PTCHD4: variants seen among roughly 807,000 people sequenced by gnomAD.
PTCHD4 encodes the protein patched domain containing 4.
In PTCHD4, 33 loss-of-function variants were observed where a neutral mutation model predicts 58.1. That is an observed-to-expected ratio of 0.57 (90% CI 0.43 to 0.76). The LOEUF (loss-of-function observed/expected upper bound fraction) is 0.76. Among genes scored for constraint, PTCHD4 ranks in the 30% least tolerant of loss-of-function variants. PTCHD4 has a pLI of 0.00. For synonymous variants in PTCHD4, 478 were observed against 409.6 expected (o/e 1.17, Z -2.02); for missense variants, 1,058 against 1,027.1 (o/e 1.03, Z -0.41).
intron 1 of PTCHD4, among the ~76,000 whole-genome samples, chr6:48,079,769 T>G (rs904849669): frequency 1.3e-5 from 2 of 151,616 alleles, no homozygotes; most frequent in African/African-American, 4.9e-5. Context: ...TGGGGTGGAG[T>G]GCTTCCACCT....
chr6:48,057,438 C>G (rs1447529030), intron 3 of PTCHD4, among the ~76,000 whole-genome samples: 1 of 152,116 alleles, frequency 6.6e-6, no homozygotes, highest in East Asian at 1.9e-4. Flanking sequence ...AGCTAAATGC[C>G]CTATTAGTTC....
At chr6:47,924,016 C>T (rs1765517102) in intron 4 of PTCHD4, among the ~76,000 whole-genome samples, 1 of 152,204 alleles carries the variant, frequency 6.6e-6, no homozygotes, top group Non-Finnish European at 1.5e-5. Context: ...CTCCCCTTGA[C>T]ATTTCCAGTT....
chr6:47,875,461 A>C lies in PTCHD4; in HGVS notation c.*2842T>G, dbSNP rs975156123. On this transcript the variant is annotated 3_prime_UTR_variant, in exon 5 of 5. Transcript: ENST00000339488. The stretch of plus-strand genomic sequence containing the variant: ...CTCTGTTAGATTCTTCTTAGGATTA[A>C]ATTACTTCCTAGGACTGCATTAAGA... Among the ~76,000 whole-genome samples the C allele has an allele frequency of 5.9e-5, 9 of 151,768 alleles. No homozygotes were observed. The highest frequency in any genetic ancestry group is 1.9e-4 in the African/African-American group (8 of 41,390).
chr6:47,961,754 G>A (rs1268152891), intron 4 of PTCHD4, among the ~76,000 whole-genome samples: 2 of 152,102 alleles, frequency 1.3e-5, no homozygotes, highest in East Asian at 1.9e-4. Flanking sequence ...ACCAAAATGT[G>A]TGCCACTAAA....
intron 1 of PTCHD4, among the ~76,000 whole-genome samples, chr6:48,078,856 T>C (rs1189331351): frequency 1.3e-5 from 2 of 152,144 alleles, no homozygotes; most frequent in African/African-American, 2.4e-5. Context: ...CGGTGGCTCA[T>C]GCCTGTAATG....
chr6:48,048,857 G>C (rs548707089), intron 3 of PTCHD4, among the ~76,000 whole-genome samples: 3 of 152,094 alleles, frequency 2.0e-5, no homozygotes, highest in African/African-American at 7.2e-5. Flanking sequence ...ATATTTTAGT[G>C]AGTGTTTCTT....
chr6:48,033,314 C>A (rs1308734188), intron 3 of PTCHD4, among the ~76,000 whole-genome samples: 4 of 151,874 alleles, frequency 2.6e-5, no homozygotes, highest in Non-Finnish European at 5.9e-5. Flanking sequence ...GCCCTCTGGA[C>A]CTCTGAAAAA....
intron 1 of PTCHD4, among the ~76,000 whole-genome samples, chr6:48,093,144 A>G (rs562506343): frequency 6.6e-6 from 1 of 152,312 alleles, no homozygotes; most frequent in South Asian, 2.1e-4. Context: ...AAATTATTTT[A>G]AAAGCATTAA....
intron 3 of PTCHD4, among the ~76,000 whole-genome samples, chr6:48,049,375 T>C (rs1246770400): frequency 6.6e-6 from 1 of 151,926 alleles, no homozygotes; most frequent in Non-Finnish European, 1.5e-5. Context: ...TTGAGGGTCC[T>C]ACATTGGGCT....
At chr6:47,990,647 T>C (rs1421218904) in intron 4 of PTCHD4, among the ~76,000 whole-genome samples, 1 of 152,198 alleles carries the variant, frequency 6.6e-6, no homozygotes, top group Non-Finnish European at 1.5e-5. Flanking sequence ...TCCCCAGCCA[T>C]GTGGAACTGT....
chr6:47,930,196 GCT>G (rs1765764734), intron 4 of PTCHD4, among the ~76,000 whole-genome samples: 1 of 152,138 alleles, frequency 6.6e-6, no homozygotes, highest in Non-Finnish European at 1.5e-5. Context: ...TAAGCACAAA[GCT>G]CTCTGAAAGG....
intron 3 of PTCHD4, among the ~76,000 whole-genome samples, chr6:48,027,246 CT>C (rs1399450548): frequency 6.6e-6 from 1 of 152,064 alleles, no homozygotes; most frequent in African/African-American, 2.4e-5. Context: ...TAAATAAAAT[CT>C]TCCTTAAACT....
In PTCHD4 at chr6:48,069,157, G is replaced by A. The variant is rs1163670462; in HGVS notation, c.-200C>T. 1.5e-5 allele frequency among the ~76,000 whole-genome samples: 2 copies of A among 136,036 alleles called. No homozygotes were observed. Among genetic ancestry groups the A allele is most frequent in the Non-Finnish European group, 3.2e-5 (2 of 62,722 alleles). The allele number at this position is 136,036 out of a possible 152,430, so 89.2% of individuals were successfully genotyped here. A position where few individuals can be genotyped will look rare whatever the true frequency, so the allele number is the denominator to read the frequency against. On this transcript the variant is annotated 5_prime_UTR_variant, in exon 2 of 5. Transcript: ENST00000339488. ...CCCCATAAAGGGGGGGGGGGCTGAG[G>A]GGGGGAGAGGAGGGAGAAGGGCGGG...
In PTCHD4 at chr6:47,872,759, A is replaced by C. The variant is rs1372743926; in HGVS notation, c.*5544T>G. Among the ~76,000 whole-genome samples the C allele has an allele frequency of 1.3e-5, 2 of 151,552 alleles. No homozygotes were observed. Among genetic ancestry groups the C allele is most frequent in the Admixed American group, 6.6e-5 (1 of 15,150 alleles). Reference sequence around the variant, plus strand: ...TATAGAGGTTTTCAGTTTAAGGTACACTCCCATTTAATTTTTACATCTTTA... The same window carrying C: ...TATAGAGGTTTTCAGTTTAAGGTACCCTCCCATTTAATTTTTACATCTTTA... On this transcript the variant is annotated 3_prime_UTR_variant, in exon 5 of 5. Coordinates refer to ENST00000339488, the MANE Select transcript of PTCHD4 (RefSeq NM_001384253.1).
intron 4 of PTCHD4, among the ~76,000 whole-genome samples, chr6:47,890,330 G>A (rs1213586033): frequency 1.3e-5 from 2 of 152,092 alleles, no homozygotes; most frequent in South Asian, 4.2e-4. Context: ...TACTCAAAGT[G>A]GGCCAAACTT....
intron 1 of PTCHD4, among the ~76,000 whole-genome samples, chr6:48,091,528 C>T (rs1202798886): frequency 1.3e-5 from 2 of 152,278 alleles, no homozygotes; most frequent in East Asian, 1.9e-4. Flanking sequence ...ATCAGCATCA[C>T]CTGAGTACAG....
chr6:47,880,713 T>C lies in PTCHD4; in HGVS notation c.899-777A>G, dbSNP rs139057536. 4.8e-3 allele frequency among the ~76,000 whole-genome samples: 727 copies of C among 152,274 alleles called. 7 individuals are homozygous for C. The highest frequency in any genetic ancestry group is 0.015 in the African/African-American group (644 of 41,564). On this transcript the variant is annotated intron_variant, in intron 4 of 4. Transcript: ENST00000339488. ...AATACTTGTTTTAAACCAATGTTTGTGTCCCTTTTGATAAGAGTAAGTAGG... is the reference window on the plus strand; with the variant it reads ...AATACTTGTTTTAAACCAATGTTTGCGTCCCTTTTGATAAGAGTAAGTAGG...
intron 3 of PTCHD4, among the ~76,000 whole-genome samples, chr6:48,036,860 C>T (rs1486746966): frequency 6.6e-6 from 1 of 152,148 alleles, no homozygotes; most frequent in Non-Finnish European, 1.5e-5. Context: ...GCACCTCACA[C>T]TGTAAGTTAC....
rs1188813495 is a variant in PTCHD4 at position 47,865,178 on chromosome 6, C to T, written c.*13125G>A. Among the ~76,000 whole-genome samples, 1 of 151,848 alleles carries T rather than the reference C, an allele frequency of 6.6e-6. No homozygotes were observed. Among genetic ancestry groups the T allele is most frequent in the Non-Finnish European group, 1.5e-5 (1 of 67,892 alleles). ...TGCATGTAGATAAGAGTTATATATA[C>T]CTGAGTATCCAGTAATTTTACATGG... On this transcript the variant is annotated 3_prime_UTR_variant, in exon 5 of 5. Coordinates refer to ENST00000339488, the MANE Select transcript of PTCHD4 (RefSeq NM_001384253.1).
Sources: gnomAD v4.1 joint callset for allele counts (sites outside exome capture counted in the v4.1 genomes callset) on GRCh38, gnomAD v4.1.1 for gene constraint, MANE v1.5 for transcripts, NCBI Gene and HGNC (gene_info 2026-07-23, HGNC 2026-07-21) for gene names.